The following B4GALNT4 variants were observed in gnomAD, a reference collection of about 807,000 sequenced individuals.
B4GALNT4 encodes N-acetyl-beta-glucosaminyl-glycoprotein 4-beta-N-acetylgalactosaminyltransferase 1.
B4GALNT4 carries 77 observed loss-of-function variants against 110.0 expected under a neutral mutation model. The ratio of observed to expected loss-of-function variants is 0.70; its 90% CI spans 0.58 to 0.85. The LOEUF (loss-of-function observed/expected upper bound fraction) is 0.85, where lower values mean the gene tolerates loss of function less well. B4GALNT4 is among the 40% of genes least tolerant of loss of function. The pLI is 0.00. For missense variants in B4GALNT4, 1,575 were observed against 1,506.0 expected (o/e 1.05, Z -0.76); for synonymous variants, 785 against 655.5 (o/e 1.20, Z -3.02).
chr11:372,012 TG>T, intron 1 of B4GALNT4, 96 bp from the exon 2 acceptor site: 2 of 936,196 alleles, frequency 2.1e-6, no homozygotes, highest in Non-Finnish European at 3.3e-6. Flanking sequence ...TGCCCTGCTC[TG>T]GCCATGTGGG....
At position 380,435 on chromosome 11, in the gene B4GALNT4, G is replaced by C; in HGVS notation, c.2859G>C (p.Arg953=). ...GCCTGAGCTGCGGGAGCTCGCCCCG[G>C]GACCCCCACGGTGAGGCCCCGAGCG... ...VMRLSCGSSP[R]DPHGYWEVNG... Residue 953 remains arginine, a synonymous_variant, in exon 18 of 20, where the codon CGG becomes CGC. Transcript: ENST00000329962. The C allele has an allele frequency of 6.2e-7, 1 of 1,600,112 alleles. No homozygotes were observed. The highest frequency in any genetic ancestry group is 8.5e-7 in the Non-Finnish European group (1 of 1,174,810).
chr11:379,396 G>A (rs1240118581), intron 14 of B4GALNT4, 22 bp from the exon 15 acceptor site: 2 of 1,474,366 alleles, frequency 1.4e-6, no homozygotes, highest in Non-Finnish European at 1.8e-6. Flanking sequence ...CCCCAGTACC[G>A]GCTGACCGCT....
In B4GALNT4 at chr11:376,150, G is replaced by T; in HGVS notation, c.1172G>T (p.Arg391Leu). Residue 391 changes from arginine to leucine, a missense_variant, in exon 12 of 20, where the codon CGC becomes CTC. Arg to Leu is a moderately radical substitution (Grantham distance 102). Transcript: ENST00000329962. ...HMETDNKCFY[R>L]ESPLYLERFG... The stretch of plus-strand genomic sequence containing the variant: ...GAGACGGACAACAAGTGCTTCTACC[G>T]CGAGTCTCCGCTGTATCTGGAGAGG... 6.2e-7 allele frequency: 1 copy of T among 1,608,620 alleles called. No homozygotes were observed. Among genetic ancestry groups the T allele is most frequent in the African/African-American group, 1.4e-5 (1 of 73,946 alleles).
rs965676764 is a variant in B4GALNT4 at position 379,628 on chromosome 11, C to G, written c.2415C>G (p.Asp805Glu). Residue 805 changes from aspartate (D) to glutamate (E), a missense_variant, in exon 15 of 20, where the codon GAC (aspartate) becomes GAG (glutamate). Asp to Glu is a conservative substitution (Grantham distance 45). Coordinates refer to ENST00000329962, the MANE Select transcript of B4GALNT4 (RefSeq NM_178537.5). ...EPAPAASVRP[D>E]GRPELCRPLR... The stretch of plus-strand genomic sequence containing the variant: ...CTCCCGCCGCCTCCGTGCGCCCCGA[C>G]GGCCGCCCCGAGCTCTGCCGGCCAC... 1.6e-5 allele frequency: 25 copies of G among 1,519,886 alleles called. No individual in the cohort carries two copies. The highest frequency in any genetic ancestry group is 1.8e-5 in the Non-Finnish European group (21 of 1,137,430). 94.1% of individuals were successfully genotyped at this position (1,519,886 alleles called of 1,614,324 possible). A position where few individuals can be genotyped will look rare whatever the true frequency, so the allele number is the denominator to read the frequency against.
rs371240391 is a variant in B4GALNT4 at position 377,184 on chromosome 11, C to T, written c.2061C>T (p.Ser687=). ...EDAIDWQRTF[S]VGAVDFELLR... is the part of the protein sequence containing the mutation. ...CCATCGACTGGCAGCGCACGTTCAG[C>T]GTGGGCGCCGTGGACTTCGAGCTGC... is the stretch of plus-strand genomic sequence containing the variant. Residue 687 remains serine (S), a synonymous_variant, in exon 14 of 20, where the codon AGC becomes AGT. Transcript: ENST00000329962. The T allele has an allele frequency of 3.5e-5, 55 of 1,580,576 alleles. No individual in the cohort carries two copies. The highest frequency in any genetic ancestry group is 5.4e-5 in the Admixed American group (3 of 55,712).
intron 15 of B4GALNT4, 49 bp from the exon 16 acceptor site, chr11:379,817 C>T: frequency 1.3e-6 from 2 of 1,547,252 alleles, no homozygotes; most frequent in Non-Finnish European, 1.7e-6. Context: ...GGAGGCCCCA[C>T]CGTAGAGTCA....
chr11:381,697 C>T lies in B4GALNT4; in HGVS notation c.3025C>T (p.Arg1009Trp), dbSNP rs754689245. The T allele has an allele frequency of 6.3e-7, 1 of 1,591,958 alleles. No homozygotes were observed. The highest frequency in any genetic ancestry group is 8.5e-7 in the Non-Finnish European group (1 of 1,170,520). The change falls in exon 20 of 20, where the codon CGG becomes TGG. Residue 1009 changes from arginine to tryptophan, a missense_variant. Transcript: ENST00000329962. ...RVLQAGLEVE[R>W]LRLRNFYHHY... is the part of the protein sequence containing the mutation. ...CCTGCAGGCAGGGCTGGAGGTGGAG[C>T]GGCTCCGACTGCGGAATTTCTATCA...
chr11:377,278 G>A lies in B4GALNT4; in HGVS notation c.2155G>A (p.Val719Met), dbSNP rs200640718. The A allele has an allele frequency of 6.1e-5, 97 of 1,591,926 alleles. No individual in the cohort carries two copies. Among genetic ancestry groups the A allele is most frequent in the Non-Finnish European group, 7.9e-5 (93 of 1,170,950 alleles). The change falls in exon 14 of 20, where the codon GTG becomes ATG. Residue 719 changes from valine (V) to methionine (M), a missense_variant. Physicochemically the swap from Val to Met is conservative, Grantham distance 21. Transcript: ENST00000329962. ...CCTGCAGCTGCCGGAGGCGGAGGCC[G>A]TGGACGTGACCGCTCAGTACATGGA... ...GNLQLPEAEA[V>M]DVTAQYMERL... is the part of the protein sequence containing the mutation.
At position 380,005 on chromosome 11, in the gene B4GALNT4, C is replaced by T. The variant is rs371839306; in HGVS notation, c.2628C>T (p.Ala876=). The change falls in exon 16 of 20, where the codon GCC becomes GCT. Residue 876 remains alanine, a synonymous_variant. Transcript: ENST00000329962. The part of the protein sequence containing the change: ...EDMDVERALR[A]ARLPRYQYLR... ...TGGACGTGGAGCGGGCCCTGCGCGC[C>T]GCGCGCCTGCCCCGGTAACGACCCC... 3.1e-6 allele frequency: 5 copies of T among 1,612,548 alleles called. No individual in the cohort carries two copies. Among genetic ancestry groups the T allele is most frequent in the South Asian group, 2.2e-5 (2 of 90,992 alleles).
intron 19 of B4GALNT4, 37 bp from the exon 20 acceptor site, chr11:381,632 C>T (rs373973307): frequency 2.6e-6 from 4 of 1,541,476 alleles, no homozygotes; most frequent in Non-Finnish European, 3.5e-6. Context: ...CGTCCCCAAC[C>T]CCGGGGTCCT....
chr11:380,516 CG>C, intron 18 of B4GALNT4, 71 bp downstream of exon 18: 1 of 1,523,450 alleles, frequency 6.6e-7, no homozygotes. Flanking sequence ...TCCAGGAACC[CG>C]GGGCCTCTCT....
Position 377,113 on chromosome 11 carries a change from A to C in B4GALNT4, c.1990A>C (p.Ser664Arg). Reference protein sequence around the residue: ...APGDEAASEDSEEAAGPALGR... With the variant: ...APGDEAASEDREEAAGPALGR... The stretch of plus-strand genomic sequence containing the variant: ...GGGCGACGAGGCCGCGTCGGAGGAC[A>C]GCGAGGAGGCCGCGGGCCCGGCGCT... Residue 664 changes from serine (S) to arginine (R), a missense_variant, in exon 14 of 20, where the codon AGC becomes CGC. Physicochemically the swap from Ser to Arg is moderately radical, Grantham distance 110. Transcript: ENST00000329962. 1 of 1,488,606 alleles carries C rather than the reference A, an allele frequency of 6.7e-7. No homozygotes were observed. Among genetic ancestry groups the C allele is most frequent in the Non-Finnish European group, 8.9e-7 (1 of 1,119,974 alleles). The allele number at this position is 1,488,606 out of a possible 1,614,324, so 92.2% of individuals were successfully genotyped here.
At position 372,947 on chromosome 11, in the gene B4GALNT4, T is replaced by C. The variant is rs762989286; in HGVS notation, c.444T>C (p.His148=). 3.8e-6 allele frequency: 6 copies of C among 1,575,418 alleles called. No homozygotes were observed. The African/African-American group carries it at 8.4e-5, about 22-fold the overall frequency. The change falls in exon 4 of 20, where the codon CAT becomes CAC. Residue 148 remains histidine, a splice_region_variant and synonymous_variant. Coordinates refer to ENST00000329962, the MANE Select transcript of B4GALNT4 (RefSeq NM_178537.5). The part of the protein sequence containing the change: ...RRNLHFPLFP[H]TRTTVKKLAV... ...ACCTGCACTTCCCGCTGTTCCCTCA[T>C]GTGAGTGCCGGGGTTGGGGGGTGCC...
rs924041977 is a variant in B4GALNT4 at position 380,223 on chromosome 11, T to C, written c.2715+21T>C. ...TAGAGGTCCGAGGGCCCCATGGGGG[T>C]CGGGGAGCAAAACGGGGCGTGCCCG... On this transcript the variant is annotated intron_variant, in intron 17 of 19. Coordinates refer to ENST00000329962, the MANE Select transcript of B4GALNT4 (RefSeq NM_178537.5). 3.7e-6 allele frequency: 6 copies of C among 1,603,476 alleles called. No homozygotes were observed. The East Asian group carries it at 1.3e-4, about 36-fold the overall frequency.
Position 373,050 on chromosome 11 carries a change from G to T in B4GALNT4, c.469G>T (p.Ala157Ser). The T allele has an allele frequency of 6.2e-7, 1 of 1,612,632 alleles. No homozygotes were observed. The highest frequency in any genetic ancestry group is 2.2e-5 in the East Asian group (1 of 44,876). The change falls in exon 5 of 20, where the codon GCC (alanine) becomes TCC (serine). Residue 157 changes from alanine to serine, a missense_variant. Coordinates refer to ENST00000329962, the MANE Select transcript of B4GALNT4 (RefSeq NM_178537.5). ...GACGCGCACCACCGTGAAGAAGTTG[G>T]CCGTGTCCCCCAAGTGGAAGAACTA... is the stretch of plus-strand genomic sequence containing the variant. The part of the protein sequence containing the change: ...PHTRTTVKKL[A>S]VSPKWKNYGL...
intron 18 of B4GALNT4, 96 bp from the exon 19 acceptor site, chr11:380,729 C>A: frequency 6.3e-7 from 1 of 1,592,382 alleles, no homozygotes; most frequent in Admixed American, 1.7e-5. Context: ...TGGGACCCGG[C>A]ACCTGACCCC....
chr11:380,588 C>G lies in B4GALNT4; in HGVS notation c.2869+143C>G, dbSNP rs961413157. 4 of 1,312,672 alleles carry G rather than the reference C, an allele frequency of 3.0e-6. No individual in the cohort carries two copies. In the East Asian group the frequency reaches 7.5e-5, roughly 25 times the overall value. 81.3% of individuals were successfully genotyped at this position (1,312,672 alleles called of 1,614,324 possible). ...TCCCCGTAGTGCCCAGAGCCCCAGT[C>G]CCCCCGCACCAGCACACCCAGGGCC... On this transcript the variant is annotated intron_variant, in intron 18 of 19. Transcript: ENST00000329962.
chr11:371,154 T>C (rs985008280), intron 1 of B4GALNT4, among the ~76,000 whole-genome samples: 4 of 152,276 alleles, frequency 2.6e-5, no homozygotes, highest in African/African-American at 9.6e-5. Context: ...CAAGGACCCC[T>C]TGAGGCTAAG....
At chr11:376,207 G>A (rs746637558) in intron 12 of B4GALNT4, 33 bp downstream of exon 12, 1 of 1,484,986 alleles carries the variant, frequency 6.7e-7, no homozygotes, top group African/African-American at 1.4e-5. Context: ...GCGGGGCGGG[G>A]TGGGCGGGGC....
Sources: gnomAD v4.1 joint callset for allele counts (sites outside exome capture counted in the v4.1 genomes callset) on GRCh38, gnomAD v4.1.1 for gene constraint, MANE v1.5 for transcripts, NCBI Gene and HGNC (gene_info 2026-07-23, HGNC 2026-07-21) for gene names.